Variants in SUPT16H observed in about 807,000 individuals in gnomAD.
The protein encoded by SUPT16H is SPT16 homolog, facilitates chromatin remodeling subunit.
In SUPT16H, 24 loss-of-function variants were observed where a neutral mutation model predicts 136.2. The ratio of observed to expected loss-of-function variants is 0.18; its 90% CI spans 0.13 to 0.25. The LOEUF (loss-of-function observed/expected upper bound fraction) is 0.25, where lower values mean the gene tolerates loss of function less well. Among genes scored for constraint, SUPT16H ranks in the 10% least tolerant of loss-of-function variants. The probability of loss-of-function intolerance (pLI) is 1.00; values close to 1 mark genes in which losing one functional copy is unlikely to be tolerated. For synonymous variants in SUPT16H, 415 were observed against 428.2 expected (o/e 0.97, Z 0.38); for missense variants, 623 against 1,270.2 (o/e 0.49, Z 7.74).
chr14:21,371,933 T>C lies in SUPT16H; in HGVS notation c.271A>G (p.Thr91Ala), dbSNP rs1332902149. The C allele has an allele frequency of 1.2e-6, 2 of 1,614,074 alleles. No individual in the cohort carries two copies. Among genetic ancestry groups the C allele is most frequent in the African/African-American group, 2.7e-5 (2 of 74,952 alleles). ...KVEFLKQIAN[T>A]KGNENANGAP... is the part of the protein sequence containing the mutation. ...CCATTAGCATTCTCATTGCCCTTAGTGTTGGCAATCTGTTTCAAGAACTCC... is the reference window on the plus strand; with the variant it reads ...CCATTAGCATTCTCATTGCCCTTAGCGTTGGCAATCTGTTTCAAGAACTCC... Residue 91 changes from threonine (T) to alanine (A), a missense_variant, in exon 3 of 26, where the codon ACT becomes GCT. Thr to Ala is a moderately conservative substitution (Grantham distance 58). Transcript: ENST00000216297.
At chr14:21,380,319 A>ATGGGCTCTCTC (rs537798908) in intron 1 of SUPT16H, among the ~76,000 whole-genome samples, 266 of 9,524 alleles carry the variant, frequency 0.028, 1 homozygote, top group African/African-American at 0.049. Context: ...TTTTAAAGAA[A>ATGGGCTCTCTC]TGGGCTCTCT....
At chr14:21,369,678 C>T (rs1762880810) in intron 5 of SUPT16H, 72 bp downstream of exon 5, 62 of 1,580,982 alleles carry the variant, frequency 3.9e-5, no homozygotes, top group Middle Eastern at 2.2e-4. Context: ...GAAGAACACA[C>T]CAACAGATTT....
At chr14:21,364,784 A>T (rs372243025) in intron 10 of SUPT16H, 43 bp downstream of exon 10, 5 of 1,557,234 alleles carry the variant, frequency 3.2e-6, no homozygotes, top group Non-Finnish European at 4.4e-6. Flanking sequence ...CGTGCCTCAG[A>T]AGTTAGTTCA....
intron 2 of SUPT16H, 132 bp downstream of exon 2, chr14:21,373,206 A>AG (rs1408101928): frequency 1.8e-5 from 13 of 720,778 alleles, no homozygotes; most frequent in Non-Finnish European, 3.1e-5. Context: ...TCGGCCTCCC[A>AG]AAGTGCTGGG....
intron 10 of SUPT16H, among the ~76,000 whole-genome samples, chr14:21,364,293 G>C (rs181224651): frequency 1.3e-5 from 2 of 152,204 alleles, no homozygotes; most frequent in East Asian, 3.9e-4. Flanking sequence ...TACATCAACT[G>C]CTCAGATATT....
rs748955388 is a variant in SUPT16H, at chr14:21,362,825, A to C, written c.1634T>G (p.Ile545Ser). 1 of 1,611,260 alleles carries C rather than the reference A, an allele frequency of 6.2e-7. No homozygotes were observed. The highest frequency in any genetic ancestry group is 1.7e-5 in the Admixed American group (1 of 59,500). The change falls in exon 14 of 26, where the codon ATT (isoleucine) becomes AGT (serine). Residue 545 changes from isoleucine (I) to serine (S), a missense_variant. This residue lies in a region of SUPT16H where 62 missense variants were observed against 200.5 expected (regional missense o/e 0.31). Transcript: ENST00000216297. ...YETVIMPVFGIATPFHIATIK... is the reference protein window; with the variant it reads ...YETVIMPVFGSATPFHIATIK... ...TGTGGCAATGTGAAACGGTGTTGCA[A>C]TGCCAAACACGGGCATTATTACAGT...
rs1886480605 is a variant in SUPT16H, at chr14:21,358,447, C to G, written c.2302-20G>C. On this transcript the variant is annotated intron_variant, in intron 19 of 25. Coordinates refer to ENST00000216297, the MANE Select transcript of SUPT16H (RefSeq NM_007192.4). The stretch of plus-strand genomic sequence containing the variant: ...TTCCATCTGTAGAAGAAAAAAATAT[C>G]AAATACAGCCATCACATTTGTTAAC... 1 of 1,529,338 alleles carries G rather than the reference C, an allele frequency of 6.5e-7. No homozygotes were observed. The highest frequency in any genetic ancestry group is 1.1e-5 in the South Asian group (1 of 88,124). The allele number at this position is 1,529,338 out of a possible 1,614,324, so 94.7% of individuals were successfully genotyped here.
At chr14:21,365,463 T>C (rs1036877870) in intron 8 of SUPT16H, among the ~76,000 whole-genome samples, 1 of 152,288 alleles carries the variant, frequency 6.6e-6, no homozygotes, top group South Asian at 2.1e-4. Context: ...ATAGAGATTA[T>C]TAAGGGGTAC....
intron 1 of SUPT16H, among the ~76,000 whole-genome samples, chr14:21,375,769 T>A (rs771364878): frequency 6.6e-6 from 1 of 152,132 alleles, no homozygotes; most frequent in Non-Finnish European, 1.5e-5. Flanking sequence ...ATTTTTGTAT[T>A]TTTAGCAGAG....
chr14:21,369,877 A>G lies in SUPT16H; in HGVS notation c.503T>C (p.Val168Ala). 5 of 1,614,156 alleles carry G rather than the reference A, an allele frequency of 3.1e-6. No homozygotes were observed. The highest frequency in any genetic ancestry group is 1.3e-5 in the African/African-American group (1 of 75,076). Residue 168 changes from valine to alanine, a missense_variant, in exon 5 of 26, where the codon GTG becomes GCG. Val to Ala is a moderately conservative substitution (Grantham distance 64). Around this residue, in one of 7 missense-constraint regions of SUPT16H, gnomAD observed 343 missense variants for 525.7 expected, o/e 0.65. Coordinates refer to ENST00000216297, the MANE Select transcript of SUPT16H (RefSeq NM_007192.4). ...CTCCTTTACAGCGATGGTATATGCC[A>G]CAACTGCACTGATATCTATCTGCAG... ...GFDKIDISAV[V>A]AYTIAVKEDG...
At chr14:21,379,609 T>C (rs994444184) in intron 1 of SUPT16H, among the ~76,000 whole-genome samples, 5 of 151,992 alleles carry the variant, frequency 3.3e-5, no homozygotes, top group Admixed American at 1.3e-4. Context: ...TCTCAGCACT[T>C]TGGGATGCCG....
chr14:21,382,308 G>A (rs769660010), intron 1 of SUPT16H, among the ~76,000 whole-genome samples: 11 of 152,158 alleles, frequency 7.2e-5, no homozygotes, highest in Non-Finnish European at 1.3e-4. Context: ...CATTAAGGTA[G>A]TAAGAGGGCC....
chr14:21,366,653 T>G, intron 7 of SUPT16H, 124 bp from the exon 8 acceptor site: 1 of 663,818 alleles, frequency 1.5e-6, no homozygotes, highest in Non-Finnish European at 2.3e-6. Flanking sequence ...AACAGTCCAC[T>G]CACTTTTTTT....
At position 21,363,361 on chromosome 14, in the gene SUPT16H, T is replaced by C. The variant is rs78569948; in HGVS notation, c.1300-33A>G. On this transcript the variant is annotated intron_variant, in intron 11 of 25. Transcript: ENST00000216297. ...AAAAGTCATAATCAAAAAATGAAATTTTAATTATTTTAGCCAATATTATTT... is the reference window on the plus strand; with the variant it reads ...AAAAGTCATAATCAAAAAATGAAATCTTAATTATTTTAGCCAATATTATTT... 82 of 1,597,656 alleles carry C rather than the reference T, an allele frequency of 5.1e-5. No homozygotes were observed. In the East Asian group the frequency reaches 1.7e-3, roughly 32 times the overall value.
chr14:21,357,228 C>A lies in SUPT16H; in HGVS notation c.2629G>T (p.Ala877Ser), dbSNP rs1886454358. The A allele has an allele frequency of 1.9e-6, 3 of 1,610,242 alleles. No homozygotes were observed. Among genetic ancestry groups the A allele is most frequent in the Admixed American group, 1.7e-5 (1 of 59,374 alleles). ...CATTCCTTGATGGGGTCAAGAGAGG[C>A]TACAGGAATGGCGTTGATCATGGTC... ...KVTMINAIPV[A>S]SLDPIKEWLN... Residue 877 changes from alanine (A) to serine (S), a missense_variant, in exon 22 of 26, where the codon GCC becomes TCC. Coordinates refer to ENST00000216297, the MANE Select transcript of SUPT16H (RefSeq NM_007192.4).
chr14:21,360,085 T>A (rs1594299812), intron 18 of SUPT16H, among the ~76,000 whole-genome samples: 1 of 152,190 alleles, frequency 6.6e-6, no homozygotes, highest in South Asian at 2.1e-4. Flanking sequence ...TGGAGTACAA[T>A]GGCGCGATCT....
chr14:21,358,111 C>T, intron 20 of SUPT16H, 109 bp from the exon 21 acceptor site: 1 of 1,023,130 alleles, frequency 9.8e-7, no homozygotes, highest in African/African-American at 1.6e-5. Context: ...AGCATACTCA[C>T]TGGAGACTCA....
Position 21,357,279 on chromosome 14 carries a change from C to T in SUPT16H, c.2578G>A (p.Val860Ile), listed in dbSNP as rs369898452. The T allele has an allele frequency of 1.6e-5, 26 of 1,613,110 alleles. No homozygotes were observed. The highest frequency in any genetic ancestry group is 2.7e-5 in the African/African-American group (2 of 74,862). ...ACTTTCTTGCTGTAGTCCTTGTAGA[C>T]GATTACCATATCAAAGTTCTTCAGG... ...FHLKNFDMVI[V>I]YKDYSKKVTM... The change falls in exon 22 of 26, where the codon GTC becomes ATC. Residue 860 changes from valine (V) to isoleucine (I), a missense_variant. Physicochemically the swap from Val to Ile is conservative, Grantham distance 29 (BLOSUM62 3). This residue lies in a region of SUPT16H where 74 missense variants were observed against 193.8 expected (regional missense o/e 0.38). Transcript: ENST00000216297.
At chr14:21,374,652 C>G (rs1886862184) in intron 1 of SUPT16H, among the ~76,000 whole-genome samples, 1 of 152,182 alleles carries the variant, frequency 6.6e-6, no homozygotes, top group Non-Finnish European at 1.5e-5. Flanking sequence ...TGACACGTAT[C>G]AACACTTCAT....
Sources: gnomAD v4.1 joint callset for allele counts (sites outside exome capture counted in the v4.1 genomes callset) on GRCh38, gnomAD v4.1.1 for gene constraint, gnomAD v4.1.1 regional missense constraint, MANE v1.5 for transcripts, NCBI Gene and HGNC (gene_info 2026-07-23, HGNC 2026-07-21) for gene names.